The following FER1L6 variants were observed in gnomAD, a reference collection of about 807,000 sequenced individuals.
FER1L6 encodes the protein fer-1-like protein 6.
In FER1L6, 177 loss-of-function variants were observed where a neutral mutation model predicts 219.2. The ratio of observed to expected loss-of-function variants is 0.81; its 90% CI spans 0.71 to 0.91. The LOEUF is 0.91. FER1L6 is among the 40% of genes least tolerant of loss of function. The probability of loss-of-function intolerance (pLI) is 0.00; values close to 1 mark genes in which losing one functional copy is unlikely to be tolerated. For synonymous variants in FER1L6, 768 were observed against 824.3 expected (o/e 0.93, Z 1.17); for missense variants, 2,153 against 2,259.9 (o/e 0.95, Z 0.96).
At chr8:124,085,868 C>CTCTT (rs1821766818) in intron 33 of FER1L6, among the ~76,000 whole-genome samples, 1 of 152,038 alleles carries the variant, frequency 6.6e-6, no homozygotes, top group Non-Finnish European at 1.5e-5. Flanking sequence ...CTCTCTTTAG[C>CTCTT]TCTTTGCTTT....
chr8:123,963,555 T>C (rs1815399806), intron 3 of FER1L6, among the ~76,000 whole-genome samples, 157 bp downstream of exon 3: 1 of 152,188 alleles, frequency 6.6e-6, no homozygotes, highest in South Asian at 2.1e-4. Context: ...AGCTCAGTTT[T>C]CTCTATGGCA....
At position 124,013,445 on chromosome 8, in the gene FER1L6, AGAAGT is replaced by A; in HGVS notation, c.1839_1843del (p.Val614ArgfsTer11). ...TTTGTTTTCAGGAAGAAAGTATAGAAGAAGTGAGAGAATTGATCAAGATTTCACAG... is the reference window on the plus strand; with the variant it reads ...TTTGTTTTCAGGAAGAAAGTATAGAAGAGAGAATTGATCAAGATTTCACAG... On this transcript the variant is annotated frameshift_variant, in exon 15 of 41. Coordinates refer to ENST00000522917, the MANE Select transcript of FER1L6 (RefSeq NM_001039112.2). LOFTEE classifies it high-confidence loss of function. 1 of 1,608,008 alleles carries A rather than the reference AGAAGT, an allele frequency of 6.2e-7. No homozygotes were observed. The highest frequency in any genetic ancestry group is 8.5e-7 in the Non-Finnish European group (1 of 1,177,988).
At chr8:124,035,496 G>C in intron 19 of FER1L6, 42 bp downstream of exon 19, 1 of 1,569,414 alleles carries the variant, frequency 6.4e-7, no homozygotes, top group Non-Finnish European at 8.6e-7. Context: ...CGAGGTCTCA[G>C]GTGGGCTTCT....
chr8:124,108,238 A>G (rs1259765578), intron 39 of FER1L6, among the ~76,000 whole-genome samples: 1 of 152,180 alleles, frequency 6.6e-6, no homozygotes, highest in Non-Finnish European at 1.5e-5. Flanking sequence ...CTTTAATAAG[A>G]AAAACCATCT....
chr8:124,086,976 T>C (rs963104888), intron 33 of FER1L6, among the ~76,000 whole-genome samples: 1 of 152,344 alleles, frequency 6.6e-6, no homozygotes, highest in Non-Finnish European at 1.5e-5. Flanking sequence ...AACTCCTTTG[T>C]ATGTTATTTC....
chr8:124,091,646 T>C, intron 34 of FER1L6, 63 bp downstream of exon 34: 2 of 1,546,670 alleles, frequency 1.3e-6, no homozygotes, highest in Non-Finnish European at 1.8e-6. Flanking sequence ...ATTCTAGTGA[T>C]ATTTTTGGCT....
chr8:123,892,650 T>C (rs577011406), intron 1 of FER1L6, among the ~76,000 whole-genome samples: 2 of 152,282 alleles, frequency 1.3e-5, no homozygotes, highest in South Asian at 4.1e-4. Context: ...AAACCGAGTC[T>C]CCTCCCTATC....
rs114140722 is a variant in FER1L6 at position 123,897,152 on chromosome 8, A to G, written c.-8+44967A>G. ...TCCACCCCTCCACAACTGCCACTGC[A>G]GCCCAGGTGTCACTCAGTCCTCACC... On this transcript the variant is annotated intron_variant, in intron 1 of 40. Transcript: ENST00000522917. 4.1e-3 allele frequency among the ~76,000 whole-genome samples: 620 copies of G among 152,332 alleles called. 3 individuals are homozygous for G. The highest frequency in any genetic ancestry group is 0.014 in the African/African-American group (581 of 41,594).
rs1211549987 is a variant in FER1L6 at position 124,017,676 on chromosome 8, C to A, written c.1971C>A (p.Thr657=). 2 of 1,613,780 alleles carry A rather than the reference C, an allele frequency of 1.2e-6. No individual in the cohort carries two copies. Among genetic ancestry groups the A allele is most frequent in the Non-Finnish European group, 1.7e-6 (2 of 1,179,754 alleles). ...AAAAGCCCAAGATGTTGAACCAAAC[C>A]ACTTTAGATAAGAAGCGACTTACGC... ...AEKKPKMLNQ[T]TLDKKRLTLC... The change falls in exon 16 of 41, where the codon ACC becomes ACA. Residue 657 remains threonine (T), a synonymous_variant. Coordinates refer to ENST00000522917, the MANE Select transcript of FER1L6 (RefSeq NM_001039112.2).
At chr8:124,102,625 T>A (rs1822592349) in intron 38 of FER1L6, among the ~76,000 whole-genome samples, 1 of 152,258 alleles carries the variant, frequency 6.6e-6, no homozygotes, top group African/African-American at 2.4e-5. Context: ...TTACTCTGCC[T>A]TGTGTTCCCT....
In FER1L6 at chr8:124,109,648, C is replaced by T. The variant is rs1306053325; in HGVS notation, c.5289+6339C>T. ...GCTTCTAATTAAATGCTCTTCATTT[C>T]TATCAACATAGTTTTTTCCTGAGTC... is the stretch of plus-strand genomic sequence containing the variant. On this transcript the variant is annotated intron_variant, in intron 39 of 40. Transcript: ENST00000522917. Among the ~76,000 whole-genome samples, 7 of 152,318 alleles carry T rather than the reference C, an allele frequency of 4.6e-5. No individual in the cohort carries two copies. In the South Asian group the frequency reaches 1.0e-3, roughly 23 times the overall value.
chr8:124,059,104 A>G (rs1290127072), intron 22 of FER1L6: 1 of 152,206 alleles, frequency 6.6e-6, no homozygotes, highest in Non-Finnish European at 1.5e-5. Context: ...CTCACTGTAC[A>G]TGGAGGGGCT....
chr8:124,101,188 T>C lies in FER1L6; in HGVS notation c.4975T>C (p.Phe1659Leu). ...GEGNFNWRFL[F>L]PFQYLPAEKQ... ...GGGCAACTTCAACTGGCGCTTCCTG[T>C]TTCCCTTTCAGTATCTCCCAGCTGA... The change falls in exon 38 of 41, where the codon TTT (phenylalanine) becomes CTT (leucine). Residue 1659 changes from phenylalanine (F) to leucine (L), a missense_variant. By Grantham distance (22) the Phe-to-Leu change is conservative (BLOSUM62 0). Transcript: ENST00000522917. 2.5e-6 allele frequency: 4 copies of C among 1,613,946 alleles called. No individual in the cohort carries two copies. The highest frequency in any genetic ancestry group is 3.4e-6 in the Non-Finnish European group (4 of 1,179,964).
At chr8:123,855,757 T>TGTACACACACACACACACATATACGTA (rs1311789945) in intron 1 of FER1L6, among the ~76,000 whole-genome samples, 2 of 147,138 alleles carry the variant, frequency 1.4e-5, no homozygotes, top group African/African-American at 5.2e-5. Flanking sequence ...TGTGTGTATA[T>TGTACACACACACACACACATATACGTA]ATATGTGTGT....
chr8:124,021,996 T>A (rs7842532), intron 17 of FER1L6, among the ~76,000 whole-genome samples: 1 of 152,022 alleles, frequency 6.6e-6, no homozygotes, highest in Non-Finnish European at 1.5e-5. Flanking sequence ...GTAAAGGGCA[T>A]GGCAGCTTCT....
intron 1 of FER1L6, among the ~76,000 whole-genome samples, chr8:123,953,445 T>TA (rs1311279660): frequency 6.6e-6 from 1 of 152,212 alleles, no homozygotes; most frequent in Non-Finnish European, 1.5e-5. Flanking sequence ...ATAAACTTCC[T>TA]TAGGCGACTC....
chr8:124,064,850 C>T (rs1820756270), intron 26 of FER1L6, among the ~76,000 whole-genome samples: 1 of 152,152 alleles, frequency 6.6e-6, no homozygotes, highest in Non-Finnish European at 1.5e-5. Flanking sequence ...TTGGAAAGGC[C>T]ATGGGTTTCT....
intron 14 of FER1L6, 22 bp downstream of exon 14, chr8:124,010,736 T>C (rs778557430): frequency 1.2e-6 from 2 of 1,610,818 alleles, no homozygotes; most frequent in Non-Finnish European, 1.7e-6. Flanking sequence ...TGACAGGTGA[T>C]GGATTAGAGA....
rs1004854086 is a variant in FER1L6 at position 123,939,139 on chromosome 8, G to T, written c.-7-16853G>T. ...TGTACTTGCTGGAAGATGGGGCTTG[G>T]CAGCATTTCTCAAATTGTGACCTGT... On this transcript the variant is annotated intron_variant, in intron 1 of 40. Coordinates refer to ENST00000522917, the MANE Select transcript of FER1L6 (RefSeq NM_001039112.2). 7 of 984,848 alleles carry T rather than the reference G, an allele frequency of 7.1e-6. No individual in the cohort carries two copies. The African/African-American group carries it at 1.2e-4, about 17-fold the overall frequency. The allele number at this position is 984,848 out of a possible 1,614,324, so 61.0% of individuals were successfully genotyped here. A position where few individuals can be genotyped will look rare whatever the true frequency, so the allele number is the denominator to read the frequency against.
Sources: gnomAD v4.1 joint callset for allele counts (sites outside exome capture counted in the v4.1 genomes callset) on GRCh38, gnomAD v4.1.1 for gene constraint, MANE v1.5 for transcripts, NCBI Gene and HGNC (gene_info 2026-07-23, HGNC 2026-07-21) for gene names.